Variants in GPC3 observed in about 807,000 individuals in gnomAD.
GPC3 encodes the protein glypican 3.
Under a neutral mutation model 34.4 loss-of-function variants are expected in GPC3, and 3 were observed. The ratio of observed to expected loss-of-function variants is 0.09; its 90% CI spans 0.04 to 0.23. The LOEUF is 0.23. Ranked by LOEUF, GPC3 falls within the 10% of genes least tolerant of loss-of-function variation. GPC3 has a pLI of 1.00. For synonymous variants in GPC3, 177 were observed against 174.0 expected, an observed-to-expected ratio of 1.02 and a Z score of -0.13; for missense variants, 351 against 445.6, an observed-to-expected ratio of 0.79 and a Z score of 1.91.
At chrX:133,552,195 G>T (rs1002953891) in intron 7 of GPC3, among the ~76,000 whole-genome samples, 1 of 112,225 alleles carries the variant, frequency 8.9e-6, no homozygotes, top group Non-Finnish European at 1.9e-5. Flanking sequence ...GAATGAGGGG[G>T]TGAAGGTAAA....
At chrX:133,895,113 C>T (rs1212091996) in intron 2 of GPC3, among the ~76,000 whole-genome samples, 1 of 111,824 alleles carries the variant, frequency 8.9e-6, no homozygotes, top group Non-Finnish European at 1.9e-5. Context: ...TAGGTCTATT[C>T]CAGGAAAGTG....
At chrX:133,872,621 G>T (rs771649396) in intron 2 of GPC3, among the ~76,000 whole-genome samples, 1 of 112,285 alleles carries the variant, frequency 8.9e-6, no homozygotes, top group Non-Finnish European at 1.9e-5. Context: ...GAGATGACAG[G>T]AAAGGAGGAA....
At chrX:133,762,872 G>A (rs776081850) in intron 2 of GPC3, 442 of 537,016 alleles carry the variant, frequency 8.2e-4, no homozygotes, top group Non-Finnish European at 1.3e-3. Context: ...ACCCACTTAG[G>A]TGGCACCAGC....
At chrX:133,959,887 T>C (rs1206064960) in intron 1 of GPC3, among the ~76,000 whole-genome samples, 1 of 112,346 alleles carries the variant, frequency 8.9e-6, no homozygotes, top group African/African-American at 3.2e-5. Flanking sequence ...ATTAGGTTAC[T>C]GGTTACATGG....
In GPC3 at chrX:133,698,551, T is replaced by C. The variant is rs1429644234; in HGVS notation, c.1166+1344A>G. ...ATAAGGCAAAGGGCTTTTCAACTCA[T>C]GATCAGATTCAGACAGCTTGCTCAC... On this transcript the variant is annotated intron_variant, in intron 4 of 7. Coordinates refer to ENST00000370818, the MANE Select transcript of GPC3 (RefSeq NM_004484.4). 2.7e-5 allele frequency among the ~76,000 whole-genome samples: 3 copies of C among 112,346 alleles called. No homozygotes were observed. The Admixed American group carries it at 2.8e-4, about 11-fold the overall frequency.
intron 6 of GPC3, among the ~76,000 whole-genome samples, chrX:133,634,509 C>G (rs1380148613): frequency 8.9e-6 from 1 of 112,294 alleles, no homozygotes; most frequent in Non-Finnish European, 1.9e-5. Flanking sequence ...CAAAAAAGAA[C>G]AAAGTACAGA....
intron 2 of GPC3, among the ~76,000 whole-genome samples, chrX:133,885,328 T>C (rs2076057458): frequency 8.9e-6 from 1 of 111,824 alleles, no homozygotes; most frequent in Non-Finnish European, 1.9e-5. Flanking sequence ...ACATTTAATC[T>C]TTAAAATATT....
intron 2 of GPC3, among the ~76,000 whole-genome samples, chrX:133,830,532 GTCGGGCATGGTGGC>G (rs2075769805): frequency 9.2e-6 from 1 of 108,832 alleles, no homozygotes; most frequent in Non-Finnish European, 1.9e-5. Context: ...ACAAAAATTA[GTCGGGCATGGTGGC>G]ACATGCCTGT....
At chrX:133,819,762 G>C (rs1265753378) in intron 2 of GPC3, among the ~76,000 whole-genome samples, 2 of 111,739 alleles carry the variant, frequency 1.8e-5, no homozygotes, top group Non-Finnish European at 1.9e-5. Context: ...TAAGTGACAA[G>C]TGTGCTATAA....
intron 7 of GPC3, among the ~76,000 whole-genome samples, chrX:133,562,819 T>A (rs1306559083): frequency 9.0e-6 from 1 of 110,609 alleles, no homozygotes; most frequent in African/African-American, 3.3e-5. Flanking sequence ...TATGGGAGTG[T>A]TAGGATCTGG....
chrX:133,769,298 T>C (rs949358362), intron 2 of GPC3, among the ~76,000 whole-genome samples: 2 of 112,144 alleles, frequency 1.8e-5, no homozygotes, highest in Admixed American at 9.4e-5. Flanking sequence ...GATGAAGTCC[T>C]AGAGATTTAC....
At chrX:133,744,517 T>G (rs970289370) in intron 3 of GPC3, among the ~76,000 whole-genome samples, 1 of 112,231 alleles carries the variant, frequency 8.9e-6, no homozygotes, top group Non-Finnish European at 1.9e-5. Context: ...AAACAACAGA[T>G]GCTGGAGAGG....
chrX:133,902,827 T>G (rs1219931711), intron 2 of GPC3, among the ~76,000 whole-genome samples: 6 of 111,515 alleles, frequency 5.4e-5, no homozygotes. Flanking sequence ...CTAGTATATT[T>G]CCTTATAGCA....
intron 2 of GPC3, among the ~76,000 whole-genome samples, chrX:133,822,103 C>T (rs1292414439): frequency 8.9e-6 from 1 of 111,962 alleles, no homozygotes; most frequent in Non-Finnish European, 1.9e-5. Context: ...ATAAACAATT[C>T]ATAAGTTTTA....
At chrX:133,776,961 C>A (rs1306741965) in intron 2 of GPC3, among the ~76,000 whole-genome samples, 1 of 100,494 alleles carries the variant, frequency 1.0e-5, no homozygotes. Flanking sequence ...CTCACTGCAA[C>A]CTCCACCTCC....
chrX:133,865,837 C>A (rs1371281370), intron 2 of GPC3, among the ~76,000 whole-genome samples: 7 of 111,631 alleles, frequency 6.3e-5, no homozygotes. Context: ...TCATGTCGAC[C>A]AAGAATGCTG....
chrX:133,983,070 C>T (rs1331230999), intron 1 of GPC3, among the ~76,000 whole-genome samples: 1 of 111,507 alleles, frequency 9.0e-6, no homozygotes, highest in African/African-American at 3.3e-5. Context: ...CATGCCAGGA[C>T]AGAGTATTAG....
intron 1 of GPC3, among the ~76,000 whole-genome samples, chrX:133,963,037 C>T (rs1211136598): frequency 2.7e-5 from 3 of 112,160 alleles, no homozygotes; most frequent in Admixed American, 9.5e-5. Context: ...TCACTGAGCC[C>T]ATTCTCAACC....
intron 7 of GPC3, among the ~76,000 whole-genome samples, chrX:133,549,833 C>T (rs970984300): frequency 9.4e-5 from 9 of 96,191 alleles, no homozygotes; most frequent in Non-Finnish European, 1.7e-4. Flanking sequence ...CTCCCTCCCT[C>T]CCTGTCCTTC....
Sources: allele counts gnomAD v4.1 joint callset (sites outside exome capture counted in the v4.1 genomes callset), GRCh38; gene constraint gnomAD v4.1.1; transcripts MANE v1.5; gene names NCBI Gene and HGNC (gene_info 2026-07-23, HGNC 2026-07-21).